The following TASP1 variants were observed in gnomAD, a reference collection of about 807,000 sequenced individuals.
TASP1 encodes the protein threonine aspartase 1.
A neutral mutation model predicts 56.6 loss-of-function variants in TASP1; 16 were observed. That is an observed-to-expected ratio of 0.28 (90% CI 0.19 to 0.43). The LOEUF (loss-of-function observed/expected upper bound fraction) is 0.43. Ranked by LOEUF, TASP1 falls within the 20% of genes least tolerant of loss-of-function variation. TASP1 has a pLI of 1.00. For synonymous variants in TASP1, 179 were observed against 184.2 expected, an observed-to-expected ratio of 0.97 and a Z score of 0.23; for missense variants, 393 against 511.6, an observed-to-expected ratio of 0.77 and a Z score of 2.24.
the TASP1 span, among the ~76,000 whole-genome samples, chr20:13,205,633 G>C: frequency 6.6e-6 from 1 of 152,150 alleles, no homozygotes; most frequent in Non-Finnish European, 1.5e-5. Flanking sequence ...TCCTGTAAGA[G>C]CACTAATCCC....
At chr20:13,246,365 T>C in the TASP1 span, among the ~76,000 whole-genome samples, 1 of 152,002 alleles carries the variant, frequency 6.6e-6, no homozygotes, top group Non-Finnish European at 1.5e-5. Flanking sequence ...TGAGTGAATA[T>C]TGCATTCTTC....
At chr20:13,506,698 A>G (rs1322976695) in intron 10 of TASP1, among the ~76,000 whole-genome samples, 4 of 152,136 alleles carry the variant, frequency 2.6e-5, no homozygotes, top group Non-Finnish European at 4.4e-5. Context: ...ACATGCTTTC[A>G]TGATTAAAAA....
intron 9 of TASP1, among the ~76,000 whole-genome samples, chr20:13,532,791 G>A (rs2045272157): frequency 6.6e-6 from 1 of 152,122 alleles, no homozygotes; most frequent in African/African-American, 2.4e-5. Context: ...TGACTCTGCT[G>A]GCTTTTCTCT....
chr20:13,438,174 C>G (rs967735990), intron 11 of TASP1, among the ~76,000 whole-genome samples: 2,541 of 152,112 alleles, frequency 0.017, 74 homozygotes, highest in African/African-American at 0.056. Context: ...CATATGGAAC[C>G]AAAAAGGAGC....
the TASP1 span, among the ~76,000 whole-genome samples, chr20:13,309,375 T>C: frequency 4.6e-5 from 7 of 152,180 alleles, 1 homozygote; most frequent in Non-Finnish European, 8.8e-5. Context: ...TTGAATATTA[T>C]TTCATAATAA....
chr20:13,405,013 CA>C (rs1485997357), intron 13 of TASP1, among the ~76,000 whole-genome samples: 5 of 152,208 alleles, frequency 3.3e-5, no homozygotes, highest in African/African-American at 1.2e-4. Flanking sequence ...AGTTATACCC[CA>C]ATAACCTTGT....
the TASP1 span, among the ~76,000 whole-genome samples, chr20:13,381,354 C>T: frequency 6.6e-6 from 1 of 152,182 alleles, no homozygotes; most frequent in Non-Finnish European, 1.5e-5. Flanking sequence ...TTTGCACTTC[C>T]CAGGTGAGGC....
the TASP1 span, among the ~76,000 whole-genome samples, chr20:13,249,370 C>T: frequency 1.3e-5 from 2 of 152,162 alleles, no homozygotes; most frequent in South Asian, 2.1e-4. Context: ...AGACCACTGC[C>T]GCCAGACATG....
chr20:13,347,971 A>G, the TASP1 span, among the ~76,000 whole-genome samples: 5 of 152,336 alleles, frequency 3.3e-5, no homozygotes, highest in Middle Eastern at 6.8e-3. Flanking sequence ...CTGAATTCAG[A>G]ATGGCATAAG....
chr20:13,448,206 T>C (rs1395038301), intron 11 of TASP1, among the ~76,000 whole-genome samples: 1 of 152,148 alleles, frequency 6.6e-6, no homozygotes, highest in Non-Finnish European at 1.5e-5. Context: ...GGTCAGCCAA[T>C]TGCCCAACAT....
chr20:13,349,396 T>A, the TASP1 span, among the ~76,000 whole-genome samples: 2 of 152,234 alleles, frequency 1.3e-5, no homozygotes, highest in Admixed American at 1.3e-4. Context: ...TAGAAAAGTT[T>A]ATTTTGATTT....
At chr20:13,322,852 G>A in the TASP1 span, among the ~76,000 whole-genome samples, 1 of 152,164 alleles carries the variant, frequency 6.6e-6, no homozygotes, top group African/African-American at 2.4e-5. Flanking sequence ...CCACAGATCT[G>A]GATAAGCTCA....
At chr20:13,309,795 A>G in the TASP1 span, among the ~76,000 whole-genome samples, 1 of 152,290 alleles carries the variant, frequency 6.6e-6, no homozygotes, top group South Asian at 2.1e-4. Context: ...TGTTTCTATA[A>G]GCAAAAAAAC....
chr20:13,230,771 A>G, the TASP1 span, among the ~76,000 whole-genome samples: 3 of 152,178 alleles, frequency 2.0e-5, no homozygotes, highest in Non-Finnish European at 2.9e-5. Context: ...GAAAAGAAAA[A>G]AAAACCTCAC....
the TASP1 span, among the ~76,000 whole-genome samples, chr20:13,127,751 CT>C: frequency 6.6e-6 from 1 of 152,154 alleles, no homozygotes; most frequent in Non-Finnish European, 1.5e-5. Context: ...TTCTTTTTCA[CT>C]AAAGCAGGGT....
chr20:13,430,818 T>A (rs565435990), intron 12 of TASP1, among the ~76,000 whole-genome samples: 2 of 152,318 alleles, frequency 1.3e-5, no homozygotes, highest in Non-Finnish European at 2.9e-5. Flanking sequence ...TCCGATTCTA[T>A]TCATGAATCA....
chr20:13,332,931 G>A, the TASP1 span, among the ~76,000 whole-genome samples: 1 of 152,186 alleles, frequency 6.6e-6, no homozygotes, highest in Non-Finnish European at 1.5e-5. Flanking sequence ...CTGAACTCCT[G>A]TGCATCGCCA....
At chr20:13,376,454 A>T in the TASP1 span, among the ~76,000 whole-genome samples, 2 of 152,186 alleles carry the variant, frequency 1.3e-5, no homozygotes, top group African/African-American at 4.8e-5. Flanking sequence ...TGGTACCAGT[A>T]CCATGCTGTT....
At chr20:13,501,257 G>A (rs1358888724) in intron 10 of TASP1, among the ~76,000 whole-genome samples, 3 of 151,952 alleles carry the variant, frequency 2.0e-5, no homozygotes, top group African/African-American at 7.2e-5. Flanking sequence ...ATACCAGAGA[G>A]AACCCTGAGC....
Sources: allele counts gnomAD v4.1 joint callset (sites outside exome capture counted in the v4.1 genomes callset), GRCh38; gene constraint gnomAD v4.1.1; transcripts MANE v1.5; gene names NCBI Gene and HGNC (gene_info 2026-07-23, HGNC 2026-07-21).